TSNARE1: variants seen among roughly 807,000 people sequenced by gnomAD.
The protein encoded by TSNARE1 is t-SNARE domain-containing protein 1.
In TSNARE1, 49 loss-of-function variants were observed where a neutral mutation model predicts 62.0. The observed-to-expected ratio is 0.79, with a 90% confidence interval of 0.63 to 1.00. The LOEUF (loss-of-function observed/expected upper bound fraction) is 1.00. Among genes scored for constraint, TSNARE1 ranks in the 50% least tolerant of loss-of-function variants. The pLI is 0.00. For synonymous variants in TSNARE1, 328 were observed against 294.4 expected (o/e 1.11, Z -1.17); for missense variants, 755 against 700.1 (o/e 1.08, Z -0.88).
intron 1 of TSNARE1, among the ~76,000 whole-genome samples, chr8:142,356,031 A>C (rs1211281676): frequency 1.3e-5 from 2 of 152,222 alleles, no homozygotes; most frequent in Non-Finnish European, 2.9e-5. Flanking sequence ...AGGCTTCTGA[A>C]ATAGTAGTAA....
At chr8:142,266,345 T>C (rs1336910646) in intron 12 of TSNARE1, among the ~76,000 whole-genome samples, 5 of 152,262 alleles carry the variant, frequency 3.3e-5, no homozygotes, top group African/African-American at 7.2e-5. Flanking sequence ...GCATTACACA[T>C]ACTCTTTCTG....
intron 3 of TSNARE1, 63 bp from the exon 4 acceptor site, chr8:142,344,535 G>GGCA (rs1319138576): frequency 1.1e-5 from 15 of 1,420,956 alleles, no homozygotes; most frequent in African/African-American, 1.5e-5. Flanking sequence ...CGGCCCCGGC[G>GGCA]GCAGCTCCCT....
chr8:142,346,668 TG>T (rs1454302139), intron 2 of TSNARE1, among the ~76,000 whole-genome samples: 1 of 152,150 alleles, frequency 6.6e-6, no homozygotes, highest in Non-Finnish European at 1.5e-5. Context: ...GGACGTGTCC[TG>T]GTAGGTCACA....
chr8:142,236,387 G>T (rs891660904), intron 12 of TSNARE1, among the ~76,000 whole-genome samples: 1 of 151,894 alleles, frequency 6.6e-6, no homozygotes, highest in African/African-American at 2.4e-5. Flanking sequence ...CCCAGGACTG[G>T]GACTCTCACC....
chr8:142,256,125 C>G (rs1376125093), intron 12 of TSNARE1, among the ~76,000 whole-genome samples: 1 of 138,328 alleles, frequency 7.2e-6, no homozygotes, highest in Non-Finnish European at 1.6e-5. Context: ...CCATCACCAC[C>G]ATCATCACCG....
intron 2 of TSNARE1, among the ~76,000 whole-genome samples, chr8:142,352,061 C>G (rs1834158945): frequency 6.6e-6 from 1 of 152,252 alleles, no homozygotes; most frequent in Non-Finnish European, 1.5e-5. Flanking sequence ...TGGATCAACT[C>G]AACGCTGCCC....
intron 10 of TSNARE1, among the ~76,000 whole-genome samples, chr8:142,297,165 G>T (rs1824900375): frequency 6.6e-6 from 1 of 152,228 alleles, no homozygotes; most frequent in African/African-American, 2.4e-5. Context: ...TCCCCAGCCT[G>T]GCCCTTTGTT....
intron 4 of TSNARE1, among the ~76,000 whole-genome samples, chr8:142,338,226 C>T (rs1482146633): frequency 6.6e-6 from 1 of 152,254 alleles, no homozygotes; most frequent in Non-Finnish European, 1.5e-5. Flanking sequence ...TGCTGCGTCC[C>T]CCCACGTCTC....
chr8:142,386,251 G>A (rs1470860559), intron 1 of TSNARE1, among the ~76,000 whole-genome samples: 1 of 152,136 alleles, frequency 6.6e-6, no homozygotes, highest in Non-Finnish European at 1.5e-5. Flanking sequence ...GTGGCTATCT[G>A]GGGAAATGGG....
chr8:142,344,110 C>T lies in TSNARE1; in HGVS notation c.601G>A (p.Asp201Asn), dbSNP rs775513022. ...GGGCCATGGGCCGCCTTCCGGAGGT[C>T]GCCCAGCTTGCGCCGCACGACGGCT... Reference protein sequence around the residue: ...LRAVVRRKLGDLRKAAHGPSP... With the variant: ...LRAVVRRKLGNLRKAAHGPSP... Residue 201 changes from aspartate (D) to asparagine (N), a missense_variant, in exon 4 of 14, where the codon GAC (aspartate) becomes AAC (asparagine). Physicochemically the swap from Asp to Asn is conservative, Grantham distance 23 (BLOSUM62 1). Coordinates refer to ENST00000524325, the MANE Select transcript of TSNARE1 (RefSeq NM_145003.5). The T allele has an allele frequency of 1.6e-5, 25 of 1,611,166 alleles. No homozygotes were observed. In the Admixed American group the frequency reaches 2.7e-4, roughly 17 times the overall value.
chr8:142,230,766 A>T (rs1817062997), intron 12 of TSNARE1, among the ~76,000 whole-genome samples: 1 of 61,182 alleles, frequency 1.6e-5, no homozygotes, highest in Non-Finnish European at 3.4e-5. Context: ...CCATTAATGC[A>T]ACCATCCATC....
intron 12 of TSNARE1, chr8:142,274,189 G>T: frequency 1.0e-6 from 1 of 985,458 alleles, no homozygotes; most frequent in Non-Finnish European, 1.2e-6. Context: ...AATGGGGACA[G>T]AGCCAGTGAG....
intron 13 of TSNARE1, among the ~76,000 whole-genome samples, chr8:142,222,141 T>G (rs1412285430): frequency 8.9e-6 from 1 of 112,178 alleles, no homozygotes; most frequent in East Asian, 3.1e-4. Flanking sequence ...CATCCACTCA[T>G]TCACTCACTC....
intron 12 of TSNARE1, 77 bp from the exon 13 acceptor site, chr8:142,229,656 A>G: frequency 7.1e-7 from 1 of 1,410,462 alleles, no homozygotes; most frequent in Non-Finnish European, 9.9e-7. Flanking sequence ...GCTTGTGCAT[A>G]CTTTGGGCTG....
chr8:142,318,725 G>T (rs921945208), intron 6 of TSNARE1, 91 bp from the exon 7 acceptor site: 7 of 1,157,946 alleles, frequency 6.0e-6, no homozygotes, highest in Middle Eastern at 2.3e-4. Context: ...AGGGACGCAC[G>T]GGCCGAGTGG....
At chr8:142,223,175 T>TTCATTCACTCACTCATACTC (rs879809176) in intron 13 of TSNARE1, among the ~76,000 whole-genome samples, 20,186 of 32,260 alleles carry the variant, frequency 0.63, 8,159 homozygotes, top group South Asian at 0.71. Context: ...CTCACTCAAG[T>TTCATTCACTCACTCATACTC]ATTCACTCAT....
intron 11 of TSNARE1, among the ~76,000 whole-genome samples, chr8:142,281,795 T>C (rs1212749259): frequency 6.6e-6 from 1 of 151,288 alleles, no homozygotes; most frequent in Non-Finnish European, 1.5e-5. Context: ...GTGACCTCTG[T>C]CCCATCTGGG....
intron 9 of TSNARE1, among the ~76,000 whole-genome samples, chr8:142,303,360 G>A (rs928883053): frequency 1.3e-5 from 2 of 152,134 alleles, no homozygotes; most frequent in Non-Finnish European, 2.9e-5. Context: ...CCCAAAAACC[G>A]CCCAGCCTGG....
chr8:142,331,270 C>T (rs911288196), intron 5 of TSNARE1, among the ~76,000 whole-genome samples: 1 of 152,262 alleles, frequency 6.6e-6, no homozygotes, highest in African/African-American at 2.4e-5. Flanking sequence ...GACAGCTTCT[C>T]TCCACCCTGC....
Sources: gnomAD v4.1 joint callset for allele counts (sites outside exome capture counted in the v4.1 genomes callset) on GRCh38, gnomAD v4.1.1 for gene constraint, MANE v1.5 for transcripts, NCBI Gene and HGNC (gene_info 2026-07-23, HGNC 2026-07-21) for gene names.